MAS1: variants seen among roughly 807,000 people sequenced by gnomAD.
The protein encoded by MAS1 is MAS1 proto-oncogene, G protein-coupled receptor.
For synonymous variants in MAS1, 163 were observed against 164.2 expected (o/e 0.99, Z 0.05); for missense variants, 387 against 409.7 (o/e 0.94, Z 0.48).
At chr6:159,895,301 T>C (rs567697654) in intron 1 of MAS1, among the ~76,000 whole-genome samples, 1 of 152,302 alleles carries the variant, frequency 6.6e-6, no homozygotes, top group African/African-American at 2.4e-5. Context: ...CTGAGTTAAT[T>C]TCCTCACCTG....
At position 159,912,477 on chromosome 6, in the gene MAS1, G is replaced by A. The variant is rs1782975546; in HGVS notation, c.*4544G>A. On this transcript the variant is annotated 3_prime_UTR_variant, in exon 3 of 3. Coordinates refer to ENST00000674077, the MANE Select transcript of MAS1 (RefSeq NM_002377.4). ...AGGCTGCTGAATGAGATGGTGAGGA[G>A]TGGGTGGTAGAAGTGAAGAAAGGAG... is the stretch of plus-strand genomic sequence containing the variant. 1 of 152,234 alleles carries A rather than the reference G, an allele frequency of 6.6e-6. No homozygotes were observed. The highest frequency in any genetic ancestry group is 1.5e-5 in the Non-Finnish European group (1 of 68,046). 9.4% of individuals were successfully genotyped at this position (152,234 alleles called of 1,614,324 possible). A position where few individuals can be genotyped will look rare whatever the true frequency, so the allele number is the denominator to read the frequency against.
chr6:159,894,375 C>T (rs1157892072), intron 1 of MAS1, among the ~76,000 whole-genome samples: 1 of 145,428 alleles, frequency 6.9e-6, no homozygotes, highest in African/African-American at 2.6e-5. Context: ...GTGGAGATGG[C>T]ACCACTGCAC....
chr6:159,911,584 C>T lies in MAS1; in HGVS notation c.*3651C>T, dbSNP rs962938542. 1 of 152,104 alleles carries T rather than the reference C, an allele frequency of 6.6e-6. No individual in the cohort carries two copies. The highest frequency in any genetic ancestry group is 2.4e-5 in the African/African-American group (1 of 41,386). The allele number at this position is 152,104 out of a possible 1,614,324, so 9.4% of individuals were successfully genotyped here. The stretch of plus-strand genomic sequence containing the variant: ...TATTCCCTTTGCACAGACTGCTCTA[C>T]CTTTTTTTAATCTAGCAAACTCCAT... On this transcript the variant is annotated 3_prime_UTR_variant, in exon 3 of 3. Coordinates refer to ENST00000674077, the MANE Select transcript of MAS1 (RefSeq NM_002377.4).
At chr6:159,895,582 A>G (rs1229312516) in intron 1 of MAS1, among the ~76,000 whole-genome samples, 1 of 152,248 alleles carries the variant, frequency 6.6e-6, no homozygotes, top group Admixed American at 6.5e-5. Context: ...GTATGAAAAA[A>G]CAATCCATCA....
intron 2 of MAS1, among the ~76,000 whole-genome samples, chr6:159,899,961 G>A (rs766084030): frequency 9.2e-5 from 14 of 152,118 alleles, no homozygotes; most frequent in Admixed American, 5.9e-4. Flanking sequence ...CAGGAGAATC[G>A]CTTGAACTCG....
rs900030595 is a variant in MAS1 at position 159,897,870 on chromosome 6, T to G, written c.-243-1316T>G. Among the ~76,000 whole-genome samples the G allele has an allele frequency of 9.2e-5, 14 of 152,054 alleles. 1 individual carries two copies. The highest frequency in any genetic ancestry group is 5.9e-5 in the Non-Finnish European group (4 of 68,014). On this transcript the variant is annotated intron_variant, in intron 1 of 2. Coordinates refer to ENST00000674077, the MANE Select transcript of MAS1 (RefSeq NM_002377.4). ...ATGCAGAGACCACATAGTGGCAAAG[T>G]CACAACTAGAAATTAAACAAGTCTT...
chr6:159,890,666 A>T (rs1782687629), upstream of MAS1, among the ~76,000 whole-genome samples: 1 of 152,232 alleles, frequency 6.6e-6, no homozygotes, highest in African/African-American at 2.4e-5. Flanking sequence ...ACCAAGTCTT[A>T]GAGAGCTTGG....
In MAS1 at chr6:159,908,666, C is replaced by T. The variant is rs997144726; in HGVS notation, c.*733C>T. 7 of 152,012 alleles carry T rather than the reference C, an allele frequency of 4.6e-5. No homozygotes were observed. The highest frequency in any genetic ancestry group is 2.4e-5 in the African/African-American group (1 of 41,380). 9.4% of individuals were successfully genotyped at this position (152,012 alleles called of 1,614,324 possible). A position where few individuals can be genotyped will look rare whatever the true frequency, so the allele number is the denominator to read the frequency against. ...GCATTACACCTCTATTGAAAAACAT[C>T]GCGGATGTTATGATCTAACAAGCCA... On this transcript the variant is annotated 3_prime_UTR_variant, in exon 3 of 3. Coordinates refer to ENST00000674077, the MANE Select transcript of MAS1 (RefSeq NM_002377.4).
At position 159,906,974 on chromosome 6, in the gene MAS1, A is replaced by T. The variant is rs778931179; in HGVS notation, c.19A>T (p.Thr7Ser). The change falls in exon 3 of 3, where the codon ACA becomes TCA. Residue 7 changes from threonine to serine, a missense_variant. Physicochemically the swap from Thr to Ser is moderately conservative, Grantham distance 58 (BLOSUM62 1). Transcript: ENST00000674077. ...CCTCCTCATGGATGGGTCAAACGTG[A>T]CATCATTTGTTGTTGAGGAACCCAC... MDGSNV[T>S]SFVVEEPTNI... The T allele has an allele frequency of 5.0e-6, 8 of 1,606,590 alleles. No individual in the cohort carries two copies. The East Asian group carries it at 1.8e-4, about 36-fold the overall frequency.
rs1411777323 is a variant in MAS1, at chr6:159,913,003, G to A, written c.*5070G>A. ...AGAGGCTCTTGGGAAAACTGCTGAAGTCTTTAGATATTTTTGCAAAAATTA... is the reference window on the plus strand; with the variant it reads ...AGAGGCTCTTGGGAAAACTGCTGAAATCTTTAGATATTTTTGCAAAAATTA... On this transcript the variant is annotated 3_prime_UTR_variant, in exon 3 of 3. Transcript: ENST00000674077. 1.3e-5 allele frequency: 2 copies of A among 152,184 alleles called. No homozygotes were observed. The highest frequency in any genetic ancestry group is 2.9e-5 in the Non-Finnish European group (2 of 68,026). The allele number at this position is 152,184 out of a possible 1,614,324, so 9.4% of individuals were successfully genotyped here. A position where few individuals can be genotyped will look rare whatever the true frequency, so the allele number is the denominator to read the frequency against.
At chr6:159,895,150 T>C (rs1019510924) in intron 1 of MAS1, among the ~76,000 whole-genome samples, 1 of 152,216 alleles carries the variant, frequency 6.6e-6, no homozygotes. Context: ...ACTTCACACA[T>C]AGACGGACTG....
chr6:159,909,993 A>C lies in MAS1; in HGVS notation c.*2060A>C, dbSNP rs2115121974. The C allele has an allele frequency of 6.6e-6, 1 of 152,298 alleles. No individual in the cohort carries two copies. Among genetic ancestry groups the C allele is most frequent in the South Asian group, 2.1e-4 (1 of 4,824 alleles). 9.4% of individuals were successfully genotyped at this position (152,298 alleles called of 1,614,324 possible). A position where few individuals can be genotyped will look rare whatever the true frequency, so the allele number is the denominator to read the frequency against. On this transcript the variant is annotated 3_prime_UTR_variant, in exon 3 of 3. Coordinates refer to ENST00000674077, the MANE Select transcript of MAS1 (RefSeq NM_002377.4). Reference sequence around the variant, plus strand: ...CTAATTTCTTTCTGTCTTCCCCCAAACCCATTCCCAAAGTGAACTGTAAGG... The same window carrying C: ...CTAATTTCTTTCTGTCTTCCCCCAACCCCATTCCCAAAGTGAACTGTAAGG...
intron 1 of MAS1, among the ~76,000 whole-genome samples, chr6:159,895,487 A>G (rs1782745334): frequency 6.6e-6 from 1 of 152,258 alleles, no homozygotes; most frequent in Admixed American, 6.5e-5. Context: ...AATATAACAT[A>G]TACATATGTT....
intron 2 of MAS1, among the ~76,000 whole-genome samples, chr6:159,901,375 G>T (rs1329485011): frequency 6.6e-6 from 1 of 152,198 alleles, no homozygotes; most frequent in Admixed American, 6.5e-5. Context: ...ACTTTGGGAG[G>T]CCGAAGCAGG....
At chr6:159,906,880 A>G in intron 2 of MAS1, 40 bp from the exon 3 acceptor site, 2 of 1,440,102 alleles carry the variant, frequency 1.4e-6, no homozygotes, top group Middle Eastern at 2.0e-4. Flanking sequence ...AACAATTTTC[A>G]TGGCTTTTTG....
rs948366958 is a variant in MAS1, at chr6:159,909,642, T to G, written c.*1709T>G. 2.0e-5 allele frequency: 3 copies of G among 152,200 alleles called. No individual in the cohort carries two copies. Among genetic ancestry groups the G allele is most frequent in the African/African-American group, 7.2e-5 (3 of 41,452 alleles). The allele number at this position is 152,200 out of a possible 1,614,324, so 9.4% of individuals were successfully genotyped here. On this transcript the variant is annotated 3_prime_UTR_variant, in exon 3 of 3. Transcript: ENST00000674077. ...ATTTTCCCTGGGAAAGAACAGAATA[T>G]GGAGATCAGAGCAACTCCCCTCTGT...
intron 1 of MAS1, among the ~76,000 whole-genome samples, chr6:159,892,778 C>T (rs1330175981): frequency 1.3e-5 from 2 of 152,184 alleles, no homozygotes; most frequent in African/African-American, 4.8e-5. Flanking sequence ...TCAATGGAAA[C>T]CACCATGCTT....
In MAS1 at chr6:159,907,129, C is replaced by A. The variant is rs1277437878; in HGVS notation, c.174C>A (p.Cys58Ter). The A allele has an allele frequency of 1.9e-6, 3 of 1,614,198 alleles. No individual in the cohort carries two copies. The South Asian group carries it at 3.3e-5, about 18-fold the overall frequency. Residue 58 changes from cysteine (C) to a stop codon, truncating the protein, a stop_gained, in exon 3 of 3, where the codon TGC becomes TGA. Transcript: ENST00000674077. LOFTEE classifies it low-confidence loss of function (END_TRUNC). The part of the protein sequence containing the change: ...VENGILLWFL[C>*]FRMRRNPFTV... Reference sequence around the variant, plus strand: ...ATGGGATTCTCCTCTGGTTCCTGTGCTTCCGGATGAGAAGAAATCCCTTCA... The same window carrying A: ...ATGGGATTCTCCTCTGGTTCCTGTGATTCCGGATGAGAAGAAATCCCTTCA...
intron 2 of MAS1, among the ~76,000 whole-genome samples, chr6:159,903,446 G>A (rs373975816): frequency 6.6e-6 from 1 of 152,128 alleles, no homozygotes; most frequent in Non-Finnish European, 1.5e-5. Context: ...TAAGCTGGGC[G>A]GGCTGTAGGT....
Sources: gnomAD v4.1 joint callset for allele counts (sites outside exome capture counted in the v4.1 genomes callset) on GRCh38, gnomAD v4.1.1 for gene constraint, MANE v1.5 for transcripts, NCBI Gene and HGNC (gene_info 2026-07-23, HGNC 2026-07-21) for gene names.